TRAPPC9: variants seen among roughly 807,000 people sequenced by gnomAD.
The protein encoded by TRAPPC9 is IKK2 binding protein.
Under a neutral mutation model 124.0 loss-of-function variants are expected in TRAPPC9, and 83 were observed. That is an observed-to-expected ratio of 0.67 (90% CI 0.56 to 0.80). The LOEUF is 0.80. Among genes scored for constraint, TRAPPC9 ranks in the 30% least tolerant of loss-of-function variants. The pLI is 0.00. For missense variants in TRAPPC9, 1,302 were observed against 1,508.3 expected, an observed-to-expected ratio of 0.86 and a Z score of 2.27; for synonymous variants, 638 against 617.5, an observed-to-expected ratio of 1.03 and a Z score of -0.49.
intron 17 of TRAPPC9, among the ~76,000 whole-genome samples, chr8:140,187,969 G>C (rs973932478): frequency 1.3e-4 from 20 of 152,234 alleles, no homozygotes; most frequent in African/African-American, 4.1e-4. Flanking sequence ...TGATGGGTCA[G>C]TGTGGTCGGG....
intron 20 of TRAPPC9, among the ~76,000 whole-genome samples, chr8:139,899,120 CAA>C (rs33927933): frequency 1.1e-3 from 50 of 45,464 alleles, no homozygotes; most frequent in African/African-American, 4.3e-3. Flanking sequence ...AACTCCGTCT[CAA>C]AAAAAAAAAA....
chr8:140,301,480 C>T (rs562918015), intron 10 of TRAPPC9, among the ~76,000 whole-genome samples: 1 of 152,202 alleles, frequency 6.6e-6, no homozygotes, highest in Non-Finnish European at 1.5e-5. Context: ...GTCGCAAATC[C>T]GATGGCTGGA....
Position 140,087,107 on chromosome 8 carries a change from A to G in TRAPPC9, c.2557-63028T>C, listed in dbSNP as rs1844237400. Among the ~76,000 whole-genome samples, 1 of 151,960 alleles carries G rather than the reference A, an allele frequency of 6.6e-6. No individual in the cohort carries two copies. The highest frequency in any genetic ancestry group is 2.4e-5 in the African/African-American group (1 of 41,376). ...TCTGAAATGACTCTTTCCAATCTCAAAGCCAGTGGTCAACATCCTGGCCTT... is the reference window on the plus strand; with the variant it reads ...TCTGAAATGACTCTTTCCAATCTCAGAGCCAGTGGTCAACATCCTGGCCTT... On this transcript the variant is annotated intron_variant, in intron 17 of 22. Coordinates refer to ENST00000438773, the MANE Select transcript of TRAPPC9 (RefSeq NM_001160372.4). This position sits in a 1 kb window ranked among gnomAD's most constrained non-coding sequence, Gnocchi z 4.6.
intron 21 of TRAPPC9, among the ~76,000 whole-genome samples, chr8:139,863,583 G>A (rs957388122): frequency 6.6e-6 from 1 of 152,230 alleles, no homozygotes; most frequent in Non-Finnish European, 1.5e-5. Flanking sequence ...CAGATGGTGT[G>A]AGGTGCAGTA....
chr8:139,901,006 T>TA (rs1275430119), intron 20 of TRAPPC9, among the ~76,000 whole-genome samples: 7 of 148,530 alleles, frequency 4.7e-5, no homozygotes, highest in African/African-American at 1.7e-4. Context: ...ATAAATAAAA[T>TA]AAATAAATAA....
chr8:140,456,998 TC>T (rs2071691500), intron 1 of TRAPPC9, among the ~76,000 whole-genome samples: 1 of 152,200 alleles, frequency 6.6e-6, no homozygotes, highest in Non-Finnish European at 1.5e-5. Flanking sequence ...TCCCCAGGGT[TC>T]CCTGGGATAA....
chr8:140,041,025 T>C (rs543577356), intron 17 of TRAPPC9: 10 of 152,318 alleles, frequency 6.6e-5, no homozygotes, highest in African/African-American at 2.4e-4. Context: ...GTCAAGGTAA[T>C]ATCCAGGTAT....
In TRAPPC9 at chr8:140,385,579, A is replaced by G. The variant is rs184098047; in HGVS notation, c.1134+12041T>C. On this transcript the variant is annotated intron_variant, in intron 7 of 22. Coordinates refer to ENST00000438773, the MANE Select transcript of TRAPPC9 (RefSeq NM_001160372.4). ...CTAGAAAATCTAGAAGAAATGGATA[A>G]ATTCCTGGACACATACACCCTCCCA... Among the ~76,000 whole-genome samples the G allele has an allele frequency of 5.4e-4, 83 of 152,336 alleles. No individual in the cohort carries two copies. The East Asian group carries it at 0.015, about 28-fold the overall frequency.
chr8:140,002,808 C>G (rs1587466080), intron 18 of TRAPPC9, among the ~76,000 whole-genome samples: 1 of 94,764 alleles, frequency 1.1e-5, no homozygotes, highest in Admixed American at 1.6e-4. Context: ...ATAATCCATT[C>G]AACAAATAGT....
chr8:140,051,229 C>T (rs1168728769), intron 17 of TRAPPC9, among the ~76,000 whole-genome samples: 1 of 152,212 alleles, frequency 6.6e-6, no homozygotes, highest in African/African-American at 2.4e-5. Context: ...AAATCAGGGC[C>T]ACAGGGCCAA....
chr8:139,860,012 C>T (rs1276328667), intron 21 of TRAPPC9, among the ~76,000 whole-genome samples: 4 of 152,236 alleles, frequency 2.6e-5, no homozygotes, highest in African/African-American at 4.8e-5. Flanking sequence ...ACTCACACCT[C>T]GACTCTTGGT....
At chr8:140,255,209 A>G (rs928385721) in intron 15 of TRAPPC9, among the ~76,000 whole-genome samples, 2 of 152,244 alleles carry the variant, frequency 1.3e-5, no homozygotes, top group Admixed American at 6.5e-5. Context: ...TAGAAACCAC[A>G]TCACATTCAT....
In TRAPPC9 at chr8:139,845,343, T is replaced by C. The variant is rs565649885; in HGVS notation, c.3055+40536A>G. On this transcript the variant is annotated intron_variant, in intron 21 of 22. Transcript: ENST00000438773. ...TCTCGCCTGTGCTCCACTGCATTCC[T>C]GGCCCAGGCCTTTATAAACATATAC... 3.3e-5 allele frequency among the ~76,000 whole-genome samples: 5 copies of C among 152,316 alleles called. No individual in the cohort carries two copies. The South Asian group carries it at 1.0e-3, about 32-fold the overall frequency.
intron 21 of TRAPPC9, among the ~76,000 whole-genome samples, chr8:139,821,168 T>C (rs190075488): frequency 6.6e-6 from 1 of 152,196 alleles, no homozygotes; most frequent in African/African-American, 2.4e-5. Flanking sequence ...GCAGAGAACG[T>C]GAACAGGGCA....
At chr8:139,987,884 C>T (rs1221896004) in intron 19 of TRAPPC9, among the ~76,000 whole-genome samples, 1 of 152,136 alleles carries the variant, frequency 6.6e-6, no homozygotes, top group Non-Finnish European at 1.5e-5. Flanking sequence ...CTCACTTCCG[C>T]ATCAGCTCCT....
intron 17 of TRAPPC9, among the ~76,000 whole-genome samples, chr8:140,026,021 C>A (rs13262392): frequency 0.41 from 62,520 of 151,864 alleles, 15,115 homozygotes; most frequent in Middle Eastern, 0.64. Context: ...CCCTTCCTCT[C>A]GGCCCTGGCA....
intron 16 of TRAPPC9, among the ~76,000 whole-genome samples, chr8:140,247,357 T>G (rs1377700190): frequency 6.6e-6 from 1 of 152,224 alleles, no homozygotes; most frequent in East Asian, 1.9e-4. Flanking sequence ...TCTAGATACA[T>G]GCTATTCTAT....
chr8:140,360,240 C>G, intron 8 of TRAPPC9, 47 bp from the exon 9 acceptor site: 13 of 1,612,546 alleles, frequency 8.1e-6, no homozygotes, highest in Non-Finnish European at 1.1e-5. Context: ...GGAGAGGGTA[C>G]AGGAAATACG....
At chr8:140,222,949 T>C (rs1170733396) in intron 16 of TRAPPC9, among the ~76,000 whole-genome samples, 1 of 152,128 alleles carries the variant, frequency 6.6e-6, no homozygotes, top group African/African-American at 2.4e-5. Context: ...GAAAGTGAGG[T>C]TGGTAAGATG....
Sources: gnomAD v4.1 joint callset for allele counts (sites outside exome capture counted in the v4.1 genomes callset) on GRCh38, gnomAD v4.1.1 for gene constraint, Gnocchi (gnomAD v3.1) non-coding constraint, MANE v1.5 for transcripts, NCBI Gene and HGNC (gene_info 2026-07-23, HGNC 2026-07-21) for gene names.